Variants in PER3 observed in about 807,000 individuals in gnomAD.
The protein encoded by PER3 is period circadian protein homolog 3.
Under a neutral mutation model 127.2 loss-of-function variants are expected in PER3, and 107 were observed. That is an observed-to-expected ratio of 0.84 (90% CI 0.72 to 0.99). The LOEUF is 0.99. PER3 is among the 50% of genes least tolerant of loss of function. The pLI is 0.00. For synonymous variants in PER3, 618 were observed against 585.8 expected (o/e 1.05, Z -0.79); for missense variants, 1,560 against 1,525.8 (o/e 1.02, Z -0.37).
Position 7,797,007 on chromosome 1 carries a change from ATAAGT to A in PER3, c.645-1511_645-1507del, listed in dbSNP as rs746326542. On this transcript the variant is annotated intron_variant, in intron 6 of 21. Transcript: ENST00000377532. ...GAAAGAATGTGGTGCTTAGTTTTAG[ATAAGT>A]TAAGTTTGTGATACCTGTTGAATAT... Among the ~76,000 whole-genome samples the A allele has an allele frequency of 6.0e-4, 92 of 152,274 alleles. 1 individual carries two copies. Among genetic ancestry groups the A allele is most frequent in the Admixed American group, 5.9e-4 (9 of 15,292 alleles).
chr1:7,786,921 C>A, intron 4 of PER3, 85 bp downstream of exon 4: 1 of 784,886 alleles, frequency 1.3e-6, no homozygotes, highest in Non-Finnish European at 2.2e-6. Context: ...AGAAGGATAA[C>A]AACGTTTCAG....
At chr1:7,790,580 C>G (rs1436596457) in intron 5 of PER3, among the ~76,000 whole-genome samples, 1 of 152,164 alleles carries the variant, frequency 6.6e-6, no homozygotes, top group Non-Finnish European at 1.5e-5. Flanking sequence ...CTCACGTCCT[C>G]ACATTTCAAA....
chr1:7,825,060 C>G (rs1432985260), intron 16 of PER3, among the ~76,000 whole-genome samples: 1 of 149,986 alleles, frequency 6.7e-6, no homozygotes, highest in Non-Finnish European at 1.5e-5. Flanking sequence ...TTTTTAATCT[C>G]AGGAAGGTAA....
intron 21 of PER3, among the ~76,000 whole-genome samples, chr1:7,840,905 A>G (rs181565635): frequency 3.3e-5 from 5 of 152,126 alleles, no homozygotes; most frequent in Admixed American, 3.3e-4. Context: ...ACTGTGCCCT[A>G]CCAGTTCTTT....
intron 16 of PER3, among the ~76,000 whole-genome samples, chr1:7,825,678 G>A (rs1254215607): frequency 6.6e-6 from 1 of 152,170 alleles, no homozygotes; most frequent in Non-Finnish European, 1.5e-5. Context: ...GATCACCTGA[G>A]GTCAAGAGTT....
intron 7 of PER3, among the ~76,000 whole-genome samples, chr1:7,799,371 G>A (rs1486991155): frequency 2.0e-5 from 3 of 152,124 alleles, no homozygotes; most frequent in African/African-American, 4.8e-5. Context: ...TTGGGAGGCC[G>A]AGGCGGGTGG....
intron 13 of PER3, among the ~76,000 whole-genome samples, chr1:7,812,165 C>T (rs1488599213): frequency 4.6e-5 from 7 of 152,318 alleles, no homozygotes; most frequent in South Asian, 2.1e-4. Flanking sequence ...CACAGTTTCA[C>T]ACACTGACCT....
chr1:7,789,753 T>C (rs1234194046), intron 5 of PER3, among the ~76,000 whole-genome samples: 1 of 152,250 alleles, frequency 6.6e-6, no homozygotes, highest in Non-Finnish European at 1.5e-5. Flanking sequence ...GTTAATTTAA[T>C]GAAGGGTAGC....
intron 21 of PER3, among the ~76,000 whole-genome samples, chr1:7,838,404 C>CTTTCTCT (rs1164133908): frequency 6.6e-6 from 1 of 152,088 alleles, no homozygotes; most frequent in Non-Finnish European, 1.5e-5. Context: ...CACTGGTCTA[C>CTTTCTCT]TTTCTCTTTT....
chr1:7,786,437 C>T (rs763491854), intron 3 of PER3, among the ~76,000 whole-genome samples: 2 of 152,110 alleles, frequency 1.3e-5, no homozygotes, highest in Non-Finnish European at 2.9e-5. Context: ...AGTACTGTTT[C>T]TGCTCCCCCC....
Position 7,826,056 on chromosome 1 carries a change from G to C in PER3, c.1958-424G>C, listed in dbSNP as rs7528457. Reference sequence around the variant, plus strand: ...CTTCACTCCAGCGGAATGGTCTTCTGCAGGGGAAACAAATGAGAACTAGAC... The same window carrying C: ...CTTCACTCCAGCGGAATGGTCTTCTCCAGGGGAAACAAATGAGAACTAGAC... On this transcript the variant is annotated intron_variant, in intron 16 of 21. Coordinates refer to ENST00000377532, the MANE Select transcript of PER3 (RefSeq NM_001377275.1). The surrounding 1 kb of genome is among the most constrained non-coding windows in gnomAD (Gnocchi z 4.2). Among the ~76,000 whole-genome samples, 29,744 of 151,952 alleles carry C rather than the reference G, an allele frequency of 0.2. 3,075 individuals carry two copies. The highest frequency in any genetic ancestry group is 0.27 in the South Asian group (1,307 of 4,812).
At chr1:7,785,036 A>T in intron 2 of PER3, 31 bp downstream of exon 2, 2 of 1,561,576 alleles carry the variant, frequency 1.3e-6, no homozygotes, top group South Asian at 2.4e-5. Context: ...CGAGGGCCCC[A>T]TGCGTTCGTT....
intron 18 of PER3, 68 bp downstream of exon 18, chr1:7,827,883 G>T: frequency 7.9e-7 from 1 of 1,263,576 alleles, no homozygotes; most frequent in Non-Finnish European, 1.1e-6. Context: ...AGGTGGTTGC[G>T]TTGGGACTCA....
At position 7,827,696 on chromosome 1, in the gene PER3, C is replaced by T. The variant is rs764149749; in HGVS notation, c.2767C>T (p.Pro923Ser). The T allele has an allele frequency of 2.5e-6, 4 of 1,613,996 alleles. No individual in the cohort carries two copies. The African/African-American group carries it at 4.0e-5, about 16-fold the overall frequency. Residue 923 changes from proline (P) to serine (S), a missense_variant, in exon 18 of 22, where the codon CCG (proline) becomes TCG (serine). This residue lies in a region of PER3 where 1,332 missense variants were observed against 1,223.6 expected (regional missense o/e 1.09). Transcript: ENST00000377532. ...GTGGGAGGCACAAAGCGAGGGGCAC[C>T]CGTTCATTACTTCGAGAAGCAGCTC... The part of the protein sequence containing the change: ...EKWEAQSEGH[P>S]FITSRSSSPL...
intron 19 of PER3, among the ~76,000 whole-genome samples, chr1:7,831,463 G>A (rs1278798774): frequency 6.6e-6 from 1 of 151,992 alleles, no homozygotes; most frequent in Non-Finnish European, 1.5e-5. Context: ...CATTGAACTG[G>A]CTAGGACCCA....
At chr1:7,837,743 C>T (rs149609706) in intron 21 of PER3, among the ~76,000 whole-genome samples, 186 of 152,188 alleles carry the variant, frequency 1.2e-3, no homozygotes, top group African/African-American at 4.4e-3. Flanking sequence ...TCTTTATTCC[C>T]GCAAGTATCA....
chr1:7,834,331 C>G (rs2097347312), intron 19 of PER3, among the ~76,000 whole-genome samples: 1 of 152,196 alleles, frequency 6.6e-6, no homozygotes, highest in South Asian at 2.1e-4. Context: ...CTTCCATGTC[C>G]CCTTTGTCTT....
At chr1:7,802,405 G>A (rs780505503) in intron 8 of PER3, among the ~76,000 whole-genome samples, 2 of 152,054 alleles carry the variant, frequency 1.3e-5, no homozygotes, top group Non-Finnish European at 2.9e-5. Context: ...TGAGATTACA[G>A]GCACACACCA....
chr1:7,785,472 G>T lies in PER3; in HGVS notation c.160G>T (p.Glu54Ter), dbSNP rs1365663396. 1.9e-6 allele frequency: 3 copies of T among 1,612,888 alleles called. No individual in the cohort carries two copies. Among genetic ancestry groups the T allele is most frequent in the Non-Finnish European group, 1.7e-6 (2 of 1,178,904 alleles). Reference protein sequence around the residue: ...EQQDRNRVSEELIMVVQEMKK... With the variant: ...EQQDRNRVSE ...GCAAGATCGAAACAGAGTTTCTGAA[G>T]AACTTATCATGGTTGTCCAAGAAAT... Residue 54 changes from glutamate (E) to a stop codon, truncating the protein, a stop_gained, in exon 3 of 22, where the codon GAA becomes TAA. Coordinates refer to ENST00000377532, the MANE Select transcript of PER3 (RefSeq NM_001377275.1). LOFTEE classifies it high-confidence loss of function.
Sources: gnomAD v4.1 joint callset for allele counts (sites outside exome capture counted in the v4.1 genomes callset) on GRCh38, gnomAD v4.1.1 for gene constraint, gnomAD v4.1.1 regional missense constraint, Gnocchi (gnomAD v3.1) non-coding constraint, MANE v1.5 for transcripts, NCBI Gene and HGNC (gene_info 2026-07-23, HGNC 2026-07-21) for gene names.